SYAP1: variants seen among roughly 807,000 people sequenced by gnomAD.
The protein encoded by SYAP1 is synapse-associated protein 1.
SYAP1 carries 3 observed loss-of-function variants against 29.6 expected under a neutral mutation model. The observed-to-expected ratio is 0.10, with a 90% CI of 0.05 to 0.26. The LOEUF (loss-of-function observed/expected upper bound fraction) is 0.26, where lower values mean the gene tolerates loss of function less well. SYAP1 is among the 10% of genes least tolerant of loss of function. The pLI is 1.00. For missense variants in SYAP1, 217 were observed against 264.1 expected (o/e 0.82, Z 1.24); for synonymous variants, 102 against 102.7 (o/e 0.99, Z 0.04).
At chrX:16,759,533 A>G (rs925146514) in intron 8 of SYAP1, among the ~76,000 whole-genome samples, 9 of 111,959 alleles carry the variant, frequency 8.0e-5, no homozygotes, top group Non-Finnish European at 1.7e-4. Flanking sequence ...GCGGAAGACC[A>G]GTGTGAGAGC....
chrX:16,734,938 G>A (rs1380563414), intron 1 of SYAP1, among the ~76,000 whole-genome samples: 4 of 101,243 alleles, frequency 4.0e-5, no homozygotes, highest in Admixed American at 3.3e-4. Context: ...GGCAGAGCTT[G>A]CAGTGAGCTG....
chrX:16,720,704 G>T (rs750306256), intron 1 of SYAP1, among the ~76,000 whole-genome samples: 7 of 111,986 alleles, frequency 6.3e-5, no homozygotes. Context: ...ACCATGGTGG[G>T]CTTCAGTGAT....
In SYAP1 at chrX:16,743,829, C is replaced by G. The variant is rs776253278; in HGVS notation, c.564C>G (p.Leu188=). ...DELLSKMRFA[L]VPKLVKEEVF... ...TGCTAAGCAAGATGAGATTTGCCCT[C>G]GTTCCTAAACTGTAAGCAGAGTGTT... Residue 188 remains leucine (L), a synonymous_variant, in exon 5 of 9, where the codon CTC becomes CTG. Transcript: ENST00000380155. The G allele has an allele frequency of 2.5e-6, 3 of 1,207,504 alleles. No homozygotes were observed.
intron 5 of SYAP1, among the ~76,000 whole-genome samples, chrX:16,744,276 C>T (rs1373092395): frequency 8.9e-6 from 1 of 112,428 alleles, no homozygotes; most frequent in Non-Finnish European, 1.9e-5. Flanking sequence ...GTCCTGTAGG[C>T]TCCAGTGCAT....
chrX:16,729,526 C>T (rs1466179259), intron 1 of SYAP1, among the ~76,000 whole-genome samples: 2 of 107,579 alleles, frequency 1.9e-5, no homozygotes, highest in Non-Finnish European at 3.8e-5. Flanking sequence ...CACTTTGTCA[C>T]CCAGGCTGGA....
At chrX:16,743,906 G>T (rs1473554749) in intron 5 of SYAP1, 66 bp downstream of exon 5, 3 of 1,115,746 alleles carry the variant, frequency 2.7e-6, no homozygotes, top group Non-Finnish European at 2.4e-6. Flanking sequence ...AGCACATAAT[G>T]ATGGAAGGGG....
intron 3 of SYAP1, 123 bp downstream of exon 3, chrX:16,736,355 AGC>A: frequency 6.5e-6 from 3 of 463,737 alleles, no homozygotes; most frequent in Non-Finnish European, 1.1e-5. Flanking sequence ...TCCTTTGGGT[AGC>A]ACAAAGACTA....
intron 5 of SYAP1, among the ~76,000 whole-genome samples, chrX:16,745,008 C>T (rs746400690): frequency 6.3e-5 from 7 of 111,921 alleles, no homozygotes; most frequent in African/African-American, 1.6e-4. Flanking sequence ...TTTCCTCCCT[C>T]GGGACTCTTT....
chrX:16,757,058 A>G, intron 7 of SYAP1, 104 bp from the exon 8 acceptor site: 1 of 1,006,935 alleles, frequency 9.9e-7, no homozygotes, highest in Non-Finnish European at 1.4e-6. Context: ...CGCAGAGAAA[A>G]GAAATAAAAA....
rs1602340385 is a variant in SYAP1, at chrX:16,762,388, A to T, written c.*2029A>T. On this transcript the variant is annotated 3_prime_UTR_variant, in exon 9 of 9. Coordinates refer to ENST00000380155, the MANE Select transcript of SYAP1 (RefSeq NM_032796.4). ...ATCAATTTTACATAATATCTCATTT[A>T]AAAACAACCTAATTATGCATTGCCT... 1.8e-5 allele frequency: 2 copies of T among 111,794 alleles called. No homozygotes were observed. The highest frequency in any genetic ancestry group is 9.6e-5 in the Admixed American group (1 of 10,409). The allele number at this position is 111,794 out of a possible 1,213,427, so 9.2% of individuals were successfully genotyped here. A position where few individuals can be genotyped will look rare whatever the true frequency, so the allele number is the denominator to read the frequency against.
intron 5 of SYAP1, among the ~76,000 whole-genome samples, chrX:16,751,324 T>C (rs1463022594): frequency 9.4e-6 from 1 of 106,320 alleles, no homozygotes. Context: ...CGGTAGCACG[T>C]GCCTGTAGTC....
chrX:16,733,708 C>T (rs1166356746), intron 1 of SYAP1, among the ~76,000 whole-genome samples: 1 of 108,544 alleles, frequency 9.2e-6, no homozygotes, highest in Non-Finnish European at 1.9e-5. Flanking sequence ...CTCTGTTGCC[C>T]AGGCTAGAGT....
Position 16,760,425 on chromosome X carries a change from C to G in SYAP1, c.*66C>G, listed in dbSNP as rs754487506. 28 of 984,788 alleles carry G rather than the reference C, an allele frequency of 2.8e-5. No homozygotes were observed. Among genetic ancestry groups the G allele is most frequent in the Non-Finnish European group, 3.8e-5 (28 of 746,510 alleles). The allele number at this position is 984,788 out of a possible 1,213,427, so 81.2% of individuals were successfully genotyped here. The stretch of plus-strand genomic sequence containing the variant: ...ACTGACATTAAATTCTAGATGTTGA[C>G]AATTACTGAATCAGAAGGCATGAAA... On this transcript the variant is annotated 3_prime_UTR_variant, in exon 9 of 9. Transcript: ENST00000380155.
At chrX:16,739,429 A>G (rs1223391270) in intron 3 of SYAP1, among the ~76,000 whole-genome samples, 1 of 109,163 alleles carries the variant, frequency 9.2e-6, no homozygotes, top group Non-Finnish European at 1.9e-5. Flanking sequence ...TTGCTCTCCA[A>G]GGGCCTGCCT....
chrX:16,725,820 C>T (rs1388989129), intron 1 of SYAP1, among the ~76,000 whole-genome samples: 1 of 112,279 alleles, frequency 8.9e-6, no homozygotes, highest in East Asian at 2.8e-4. Flanking sequence ...TCATTAAAAT[C>T]TAAGGAATGC....
In SYAP1 at chrX:16,757,299, C is replaced by T. The variant is rs1371955933; in HGVS notation, c.921C>T (p.Ala307=). Residue 307 remains alanine, a synonymous_variant, in exon 8 of 9, where the codon GCC becomes GCT. Transcript: ENST00000380155. ...LVLDKKQEET[A]VLEEDSADWE... ...TTGACAAAAAGCAAGAGGAGACAGC[C>T]GTACTGGAAGGTAAAAAACAAAACA... 19 of 1,199,904 alleles carry T rather than the reference C, an allele frequency of 1.6e-5. No homozygotes were observed. The highest frequency in any genetic ancestry group is 1.8e-5 in the South Asian group (1 of 54,770).
intron 5 of SYAP1, among the ~76,000 whole-genome samples, chrX:16,749,910 C>CAAAA (rs201193907): frequency 1.7e-5 from 1 of 58,037 alleles, no homozygotes; most frequent in Non-Finnish European, 3.4e-5. Context: ...GACTCCATCT[C>CAAAA]AAAAAAAAAA....
Position 16,762,180 on chromosome X carries a change from A to G in SYAP1, c.*1821A>G, listed in dbSNP as rs1006440578. Reference sequence around the variant, plus strand: ...AAGAGTTTGCTGGAGGAAAAGAAGCATGTTAAATGTTTTTAAGCAGCTAAA... The same window carrying G: ...AAGAGTTTGCTGGAGGAAAAGAAGCGTGTTAAATGTTTTTAAGCAGCTAAA... On this transcript the variant is annotated 3_prime_UTR_variant, in exon 9 of 9. Coordinates refer to ENST00000380155, the MANE Select transcript of SYAP1 (RefSeq NM_032796.4). 5 of 111,855 alleles carry G rather than the reference A, an allele frequency of 4.5e-5. No individual in the cohort carries two copies. The highest frequency in any genetic ancestry group is 1.6e-4 in the African/African-American group (5 of 30,798). The allele number at this position is 111,855 out of a possible 1,213,427, so 9.2% of individuals were successfully genotyped here.
At chrX:16,737,021 C>T (rs777251388) in intron 3 of SYAP1, among the ~76,000 whole-genome samples, 1 of 111,873 alleles carries the variant, frequency 8.9e-6, no homozygotes, top group Non-Finnish European at 1.9e-5. Flanking sequence ...ACACATGCCT[C>T]TGAAGTTATA....
Sources: allele counts gnomAD v4.1 joint callset (sites outside exome capture counted in the v4.1 genomes callset), GRCh38; gene constraint gnomAD v4.1.1; transcripts MANE v1.5; gene names NCBI Gene and HGNC (gene_info 2026-07-23, HGNC 2026-07-21).